The following ATG7 variants were observed in gnomAD, a reference collection of about 807,000 sequenced individuals.
ATG7 encodes autophagy related 7, also known as ubiquitin-like modifier-activating enzyme ATG7.
In ATG7, 70 loss-of-function variants were observed where a neutral mutation model predicts 82.4. That is an observed-to-expected ratio of 0.85 (90% confidence interval 0.70 to 1.04). ATG7 has a LOEUF of 1.04. Ranked by LOEUF, ATG7 falls within the 50% of genes least tolerant of loss-of-function variation. The probability of loss-of-function intolerance (pLI) is 0.00; values close to 1 mark genes in which losing one functional copy is unlikely to be tolerated. For synonymous variants in ATG7, 287 were observed against 313.0 expected (o/e 0.92, Z 0.88); for missense variants, 792 against 864.3 (o/e 0.92, Z 1.05).
chr3:11,449,500 A>T (rs1286695745), intron 20 of ATG7, among the ~76,000 whole-genome samples: 1 of 152,152 alleles, frequency 6.6e-6, no homozygotes, highest in Non-Finnish European at 1.5e-5. Flanking sequence ...TGAGAGGGTG[A>T]GAGAGAGTAT....
chr3:11,510,771 C>T (rs893128759), intron 20 of ATG7, among the ~76,000 whole-genome samples: 1 of 152,174 alleles, frequency 6.6e-6, no homozygotes, highest in African/African-American at 2.4e-5. Flanking sequence ...GACTTCCAGG[C>T]TTGGGGTAGA....
chr3:11,327,695 G>A (rs2152747767), intron 9 of ATG7, among the ~76,000 whole-genome samples: 1 of 152,302 alleles, frequency 6.6e-6, no homozygotes, highest in South Asian at 2.1e-4. Context: ...CTCTGGAGGT[G>A]GGACCCAGGC....
chr3:11,506,574 AAAAAAAAAAACCC>A lies in ATG7; in HGVS notation c.2080-48231_2080-48219del, dbSNP rs1217881614. Among the ~76,000 whole-genome samples the A allele has an allele frequency of 1.5e-4, 17 of 116,168 alleles. 1 individual carries two copies. Among genetic ancestry groups the A allele is most frequent in the Non-Finnish European group, 2.4e-4 (14 of 58,094 alleles). The allele number at this position is 116,168 out of a possible 152,430, so 76.2% of individuals were successfully genotyped here. ...CTCTACAAAAAAAAAAAAAAAAAAA[AAAAAAAAAAACCC>A]AAAAATTAGCTGGGAGTGGTGGCAG... On this transcript the variant is annotated intron_variant, in intron 20 of 20. Coordinates refer to ENST00000693202, the MANE Select transcript of ATG7 (RefSeq NM_001349232.2).
downstream of ATG7, chr3:11,558,675 T>G: frequency 6.2e-7 from 1 of 1,613,610 alleles, no homozygotes; most frequent in Non-Finnish European, 8.5e-7. Flanking sequence ...GCCGCTTTGA[T>G]CTGGAGCCAC....
intron 20 of ATG7, among the ~76,000 whole-genome samples, chr3:11,552,401 G>A (rs543734515): frequency 5.9e-5 from 9 of 152,166 alleles, no homozygotes; most frequent in Non-Finnish European, 1.0e-4. Context: ...TTCACTAAGA[G>A]GACATTCACT....
chr3:11,346,462 A>G (rs1435296646), intron 13 of ATG7: 1 of 152,168 alleles, frequency 6.6e-6, no homozygotes, highest in Non-Finnish European at 1.5e-5. Flanking sequence ...AATCAGTAGG[A>G]TGATTTTCTC....
chr3:11,354,686 T>C (rs1313554670), intron 14 of ATG7, among the ~76,000 whole-genome samples: 2 of 149,658 alleles, frequency 1.3e-5, no homozygotes, highest in African/African-American at 2.5e-5. Flanking sequence ...GATGTTGGAT[T>C]ATGGAGCCAC....
At chr3:11,439,367 C>T (rs1207890693) in intron 20 of ATG7, among the ~76,000 whole-genome samples, 1 of 152,046 alleles carries the variant, frequency 6.6e-6, no homozygotes, top group African/African-American at 2.4e-5. Context: ...CTGCACCGGG[C>T]CTGAGCTCTT....
At chr3:11,303,032 A>C (rs902627595) in intron 5 of ATG7, among the ~76,000 whole-genome samples, 7 of 152,246 alleles carry the variant, frequency 4.6e-5, no homozygotes, top group Admixed American at 3.9e-4. Flanking sequence ...CTGCTGGTCC[A>C]GTCTTCTTCC....
intron 18 of ATG7, among the ~76,000 whole-genome samples, chr3:11,377,351 C>T (rs2077496934): frequency 6.6e-6 from 1 of 152,200 alleles, no homozygotes; most frequent in Admixed American, 6.5e-5. Context: ...TAGTAAAGAA[C>T]TGTCTGGGCC....
At chr3:11,356,207 A>G (rs147093680) in intron 14 of ATG7, among the ~76,000 whole-genome samples, 32 of 152,338 alleles carry the variant, frequency 2.1e-4, no homozygotes, top group South Asian at 4.1e-4. Flanking sequence ...AAAATGTTCT[A>G]TATCTTGATA....
intron 19 of ATG7, among the ~76,000 whole-genome samples, chr3:11,396,489 A>T (rs1264733901): frequency 6.6e-6 from 1 of 152,206 alleles, no homozygotes; most frequent in Non-Finnish European, 1.5e-5. Context: ...CATTTACTGT[A>T]TAAGAAAATA....
At chr3:11,395,937 C>A (rs71316477) in intron 19 of ATG7, among the ~76,000 whole-genome samples, 1 of 62,704 alleles carries the variant, frequency 1.6e-5, no homozygotes. Context: ...GAGACTCTGT[C>A]TCAAAAAAAA....
At chr3:11,378,386 G>T (rs983046268) in intron 18 of ATG7, among the ~76,000 whole-genome samples, 1 of 151,128 alleles carries the variant, frequency 6.6e-6, no homozygotes, top group African/African-American at 2.4e-5. Flanking sequence ...GTGTTTGATA[G>T]AAATGATAAA....
At chr3:11,323,761 T>G (rs1197553448) in intron 9 of ATG7, among the ~76,000 whole-genome samples, 1 of 152,260 alleles carries the variant, frequency 6.6e-6, no homozygotes. Flanking sequence ...GGCTCTTTCT[T>G]CACTTAGTGA....
chr3:11,312,688 C>T (rs1948850500), intron 7 of ATG7, among the ~76,000 whole-genome samples: 1 of 152,152 alleles, frequency 6.6e-6, no homozygotes, highest in African/African-American at 2.4e-5. Context: ...ATCCACTAAG[C>T]CATTTACAAA....
intron 3 of ATG7, among the ~76,000 whole-genome samples, chr3:11,298,477 C>T (rs1946288031): frequency 6.6e-6 from 1 of 152,146 alleles, no homozygotes; most frequent in African/African-American, 2.4e-5. Context: ...CTTAATATCA[C>T]CTAACTGTTT....
At chr3:11,385,852 G>A (rs568644022) in intron 19 of ATG7, among the ~76,000 whole-genome samples, 15 of 152,338 alleles carry the variant, frequency 9.8e-5, no homozygotes, top group African/African-American at 3.4e-4. Flanking sequence ...TTGTGGCTGA[G>A]CCTGGGACAC....
At chr3:11,535,793 G>A (rs916826833) in intron 20 of ATG7, among the ~76,000 whole-genome samples, 4 of 152,184 alleles carry the variant, frequency 2.6e-5, no homozygotes, top group Non-Finnish European at 5.9e-5. Flanking sequence ...AGCCCTCTGG[G>A]GCATTTCAGA....
Sources: gnomAD v4.1 joint callset for allele counts (sites outside exome capture counted in the v4.1 genomes callset) on GRCh38, gnomAD v4.1.1 for gene constraint, MANE v1.5 for transcripts, NCBI Gene and HGNC (gene_info 2026-07-23, HGNC 2026-07-21) for gene names.